The following RICTOR variants were observed in gnomAD, a reference collection of about 807,000 sequenced individuals.
The protein encoded by RICTOR is rapamycin-insensitive companion of mTOR.
A neutral mutation model predicts 214.9 loss-of-function variants in RICTOR; 49 were observed. The ratio of observed to expected loss-of-function variants is 0.23; its 90% CI spans 0.18 to 0.29. The LOEUF (loss-of-function observed/expected upper bound fraction) is 0.29. Ranked by LOEUF, RICTOR falls within the 10% of genes least tolerant of loss-of-function variation. The probability of loss-of-function intolerance (pLI) is 1.00; values close to 1 mark genes in which losing one functional copy is unlikely to be tolerated. For synonymous variants in RICTOR, 717 were observed against 711.3 expected, an observed-to-expected ratio of 1.01 and a Z score of -0.13; for missense variants, 1,625 against 2,047.0, an observed-to-expected ratio of 0.79 and a Z score of 3.98.
In RICTOR at chr5:38,994,451, A is replaced by AAAAAAAAAAAAAAAAG. The variant is rs1304761708; in HGVS notation, c.456+2367_456+2368insCTTTTTTTTTTTTTTT. 2.5e-3 allele frequency among the ~76,000 whole-genome samples: 254 copies of AAAAAAAAAAAAAAAAG among 101,558 alleles called. 68 individuals are homozygous for AAAAAAAAAAAAAAAAG. Among genetic ancestry groups the AAAAAAAAAAAAAAAAG allele is most frequent in the East Asian group, 0.011 (37 of 3,496 alleles). The allele number at this position is 101,558 out of a possible 152,430, so 66.6% of individuals were successfully genotyped here. A position where few individuals can be genotyped will look rare whatever the true frequency, so the allele number is the denominator to read the frequency against. On this transcript the variant is annotated intron_variant, in intron 6 of 37. Transcript: ENST00000357387. ...AAAAAAAAAAAAAAAAAAAAAAAAA[A>AAAAAAAAAAAAAAAAG]AGTGCTTCAGATGCCAAAAGCACTA...
intron 19 of RICTOR, among the ~76,000 whole-genome samples, 173 bp downstream of exon 19, chr5:38,962,142 A>G (rs558155370): frequency 6.9e-5 from 9 of 130,674 alleles, no homozygotes; most frequent in African/African-American, 2.6e-4. Flanking sequence ...ATTTGCTAAT[A>G]TGTTTTGGTT....
At chr5:39,059,737 T>C in intron 2 of RICTOR, among the ~76,000 whole-genome samples, 1 of 152,238 alleles carries the variant, frequency 6.6e-6, no homozygotes, top group South Asian at 2.1e-4. Flanking sequence ...TTCTATGATT[T>C]TTTTTCCAGC....
At chr5:39,052,483 T>G (rs988778585) in intron 2 of RICTOR, among the ~76,000 whole-genome samples, 3 of 152,186 alleles carry the variant, frequency 2.0e-5, no homozygotes, top group Non-Finnish European at 4.4e-5. Flanking sequence ...TGAAAGGATG[T>G]AATCCCATCA....
chr5:39,066,304 G>A (rs1303737573), intron 2 of RICTOR, among the ~76,000 whole-genome samples: 2 of 152,210 alleles, frequency 1.3e-5, no homozygotes, highest in African/African-American at 4.8e-5. Flanking sequence ...GAGTGGCTGG[G>A]ATGCAGGGAG....
At chr5:38,968,078 T>A in intron 11 of RICTOR, 48 bp from the exon 12 acceptor site, 1 of 1,064,016 alleles carries the variant, frequency 9.4e-7, no homozygotes, top group Non-Finnish European at 1.5e-6. Flanking sequence ...GAAACACTTT[T>A]AAGATTTTTA....
chr5:38,962,744 A>G, intron 17 of RICTOR, 132 bp downstream of exon 17: 1 of 856,046 alleles, frequency 1.2e-6, no homozygotes, highest in Non-Finnish European at 1.8e-6. Context: ...CCAAATTATA[A>G]AACTCAGAAG....
At chr5:38,967,080 C>T (rs544553618) in intron 14 of RICTOR, 81 bp downstream of exon 14, 135 of 1,075,726 alleles carry the variant, frequency 1.3e-4, no homozygotes, top group Admixed American at 2.6e-4. Context: ...GGATTACAGG[C>T]GTGAGTCACC....
At chr5:38,969,984 T>C (rs1750636868) in intron 11 of RICTOR, 1 of 152,174 alleles carries the variant, frequency 6.6e-6, no homozygotes. Flanking sequence ...TAATCTTTTA[T>C]ACTGTATTTT....
intron 3 of RICTOR, among the ~76,000 whole-genome samples, chr5:39,015,961 A>G (rs911372641): frequency 2.6e-5 from 4 of 152,130 alleles, no homozygotes; most frequent in South Asian, 2.1e-4. Context: ...TGTTTCATCT[A>G]AAGCTCATGC....
chr5:38,993,705 A>G (rs1223100219), intron 6 of RICTOR, among the ~76,000 whole-genome samples: 1 of 152,054 alleles, frequency 6.6e-6, no homozygotes, highest in Non-Finnish European at 1.5e-5. Flanking sequence ...AGTAATTATA[A>G]TATTAAATAT....
At chr5:38,964,654 A>G in intron 16 of RICTOR, 138 bp downstream of exon 16, 1 of 455,306 alleles carries the variant, frequency 2.2e-6, no homozygotes, top group African/African-American at 2.0e-5. Flanking sequence ...AGAACTATTA[A>G]TTTTTCCTTT....
At chr5:39,060,816 G>A (rs774886415) in intron 2 of RICTOR, among the ~76,000 whole-genome samples, 5 of 151,890 alleles carry the variant, frequency 3.3e-5, no homozygotes, top group Non-Finnish European at 7.4e-5. Context: ...ACATGATGCT[G>A]TCTTTGGGAA....
At chr5:38,960,287 G>T in intron 20 of RICTOR, 111 bp downstream of exon 20, 2 of 1,024,376 alleles carry the variant, frequency 2.0e-6, no homozygotes, top group Non-Finnish European at 2.9e-6. Context: ...TCCAAATACG[G>T]CTTATGCATA....
intron 2 of RICTOR, among the ~76,000 whole-genome samples, chr5:39,032,472 T>C (rs1756345441): frequency 2.0e-5 from 3 of 152,222 alleles, no homozygotes; most frequent in South Asian, 4.1e-4. Context: ...AAACTGAACA[T>C]GGACTTCATT....
At position 39,012,051 on chromosome 5, in the gene RICTOR, A is replaced by T. The variant is rs184108549; in HGVS notation, c.196-8429T>A. ...GGCTCTGTGTTCCCACCCAAATCTC[A>T]CCTTGAATTGTAATAATCCCCATGT... On this transcript the variant is annotated intron_variant, in intron 3 of 37. Transcript: ENST00000357387. 1.9e-3 allele frequency among the ~76,000 whole-genome samples: 291 copies of T among 152,302 alleles called. 1 individual carries two copies. The highest frequency in any genetic ancestry group is 0.01 in the Middle Eastern group (3 of 294).
chr5:39,044,004 A>G (rs148403644), intron 2 of RICTOR, among the ~76,000 whole-genome samples: 28 of 152,328 alleles, frequency 1.8e-4, no homozygotes, highest in African/African-American at 6.5e-4. Flanking sequence ...GTATTCTTTT[A>G]TAAGCGACAG....
At chr5:39,071,558 C>A (rs189886258) in intron 2 of RICTOR, among the ~76,000 whole-genome samples, 13 of 152,252 alleles carry the variant, frequency 8.5e-5, no homozygotes, top group Non-Finnish European at 1.5e-4. Context: ...CATTCTTAAC[C>A]CTTTGAAGTT....
At chr5:39,004,776 C>CTTTTTT (rs70982534) in intron 3 of RICTOR, among the ~76,000 whole-genome samples, 5 of 105,832 alleles carry the variant, frequency 4.7e-5, no homozygotes, top group Non-Finnish European at 7.8e-5. Context: ...CTCTCAGACT[C>CTTTTTT]TTTTTTTTTT....
At chr5:39,043,573 T>C (rs1181554268) in intron 2 of RICTOR, among the ~76,000 whole-genome samples, 1 of 152,196 alleles carries the variant, frequency 6.6e-6, no homozygotes, top group African/African-American at 2.4e-5. Context: ...TTAACAGTAC[T>C]GTATTGTATA....
Sources: allele counts gnomAD v4.1 joint callset (sites outside exome capture counted in the v4.1 genomes callset), GRCh38; gene constraint gnomAD v4.1.1; transcripts MANE v1.5; gene names NCBI Gene and HGNC (gene_info 2026-07-23, HGNC 2026-07-21).